Variants in MAN1A1 observed in about 807,000 individuals in gnomAD.
MAN1A1 encodes the protein mannosyl-oligosaccharide 1,2-alpha-mannosidase IA.
A neutral mutation model predicts 70.8 loss-of-function variants in MAN1A1; 29 were observed. The ratio of observed to expected loss-of-function variants is 0.41; its 90% CI spans 0.31 to 0.56. The LOEUF (loss-of-function observed/expected upper bound fraction) is 0.56, where lower values mean the gene tolerates loss of function less well. MAN1A1 is among the 20% of genes least tolerant of loss of function. The pLI is 0.29. For missense variants in MAN1A1, 747 were observed against 841.3 expected (o/e 0.89, Z 1.39); for synonymous variants, 349 against 330.1 (o/e 1.06, Z -0.62).
chr6:119,253,833 C>T (rs1738891514), intron 5 of MAN1A1, among the ~76,000 whole-genome samples: 2 of 152,210 alleles, frequency 1.3e-5, no homozygotes. Flanking sequence ...TCCCGTTCCA[C>T]TAGTTGCTAC....
chr6:119,328,507 G>A (rs2114488787), intron 2 of MAN1A1, among the ~76,000 whole-genome samples: 1 of 152,106 alleles, frequency 6.6e-6, no homozygotes, highest in East Asian at 1.9e-4. Context: ...TTAACACTAA[G>A]AAAGTAGTAA....
Position 119,349,206 on chromosome 6 carries a change from G to A in MAN1A1, c.-141C>T, listed in dbSNP as rs1359756350. The A allele has an allele frequency of 4.1e-6, 5 of 1,218,452 alleles. No homozygotes were observed. The highest frequency in any genetic ancestry group is 5.1e-6 in the Non-Finnish European group (5 of 980,100). The allele number at this position is 1,218,452 out of a possible 1,614,324, so 75.5% of individuals were successfully genotyped here. On this transcript the variant is annotated 5_prime_UTR_variant, in exon 2 of 13. Coordinates refer to ENST00000368468, the MANE Select transcript of MAN1A1 (RefSeq NM_005907.4). ...GGCTGGGCTGCGGATCCTCCCTGGG[G>A]GAACAACTCCGCGCCGGGTCTTCTC...
intron 2 of MAN1A1, among the ~76,000 whole-genome samples, chr6:119,323,728 C>T (rs1451217221): frequency 1.3e-5 from 2 of 152,004 alleles, no homozygotes; most frequent in African/African-American, 4.8e-5. Context: ...TCTGTAACCA[C>T]AAGAATGAAC....
rs574094495 is a variant in MAN1A1 at position 119,259,791 on chromosome 6, A to G, written c.898-11437T>C. Among the ~76,000 whole-genome samples, 9 of 152,228 alleles carry G rather than the reference A, an allele frequency of 5.9e-5. No homozygotes were observed. In the South Asian group the frequency reaches 1.9e-3, roughly 31 times the overall value. ...TTCCTCATCTACAAAATGGAAAAAC[A>G]TATTTGTACACCTTGAAACTTAGAG... On this transcript the variant is annotated intron_variant, in intron 5 of 12. Transcript: ENST00000368468.
intron 6 of MAN1A1, among the ~76,000 whole-genome samples, chr6:119,205,993 C>A (rs1448489083): frequency 6.6e-6 from 1 of 152,192 alleles, no homozygotes; most frequent in East Asian, 1.9e-4. Context: ...CTCTGAGCAT[C>A]TAAAGCTGGG....
intron 2 of MAN1A1, among the ~76,000 whole-genome samples, chr6:119,346,374 C>G (rs1205093761): frequency 6.6e-6 from 1 of 151,992 alleles, no homozygotes; most frequent in Non-Finnish European, 1.5e-5. Flanking sequence ...GATGGAAAAT[C>G]ATAATCCATT....
At chr6:119,344,805 G>A (rs1379898100) in intron 2 of MAN1A1, among the ~76,000 whole-genome samples, 1 of 152,170 alleles carries the variant, frequency 6.6e-6, no homozygotes, top group East Asian at 1.9e-4. Flanking sequence ...TATAATAAAT[G>A]TGAATTTTAA....
At chr6:119,258,867 T>C (rs1775530563) in intron 5 of MAN1A1, among the ~76,000 whole-genome samples, 1 of 152,196 alleles carries the variant, frequency 6.6e-6, no homozygotes. Flanking sequence ...AGTTTTCCAT[T>C]ATCACTTGAA....
chr6:119,309,000 C>G (rs547507189), intron 2 of MAN1A1, among the ~76,000 whole-genome samples: 2 of 152,288 alleles, frequency 1.3e-5, no homozygotes, highest in South Asian at 2.1e-4. Flanking sequence ...AAAGCTGACA[C>G]TAATTGGTTA....
chr6:119,261,440 C>G (rs1490921956), intron 5 of MAN1A1, among the ~76,000 whole-genome samples: 1 of 152,132 alleles, frequency 6.6e-6, no homozygotes, highest in Non-Finnish European at 1.5e-5. Context: ...TACTTAGGCA[C>G]CAAGTTGCAC....
chr6:119,272,928 G>A (rs940464367), intron 5 of MAN1A1, among the ~76,000 whole-genome samples: 4 of 152,084 alleles, frequency 2.6e-5, no homozygotes, highest in Admixed American at 2.0e-4. Context: ...ACAGCTAATA[G>A]ATGTTGTTGT....
intron 2 of MAN1A1, among the ~76,000 whole-genome samples, chr6:119,331,267 T>C (rs1267839516): frequency 6.6e-6 from 1 of 152,098 alleles, no homozygotes. Flanking sequence ...AGAATTCTTT[T>C]TGGTGATATA....
At chr6:119,186,745 C>T (rs200939874) in intron 11 of MAN1A1, among the ~76,000 whole-genome samples, 4 of 152,152 alleles carry the variant, frequency 2.6e-5, no homozygotes, top group East Asian at 1.9e-4. Flanking sequence ...ATATGCGGGG[C>T]TGCTGCTGAA....
chr6:119,324,699 G>A (rs976613198), intron 2 of MAN1A1, among the ~76,000 whole-genome samples: 1 of 152,126 alleles, frequency 6.6e-6, no homozygotes, highest in Non-Finnish European at 1.5e-5. Context: ...AGAACTCAGA[G>A]CCCTATGGCT....
At chr6:119,336,954 T>TA (rs936441763) in intron 2 of MAN1A1, among the ~76,000 whole-genome samples, 23 of 148,756 alleles carry the variant, frequency 1.5e-4, no homozygotes, top group African/African-American at 4.7e-4. Flanking sequence ...ATAACATATC[T>TA]AAAAAAAAAA....
chr6:119,233,308 G>C (rs1774740170), intron 6 of MAN1A1, among the ~76,000 whole-genome samples: 1 of 152,166 alleles, frequency 6.6e-6, no homozygotes, highest in South Asian at 2.1e-4. Context: ...CATGAACACA[G>C]TTTGGCCTAC....
chr6:119,249,846 T>G (rs1775270791), intron 5 of MAN1A1, among the ~76,000 whole-genome samples: 1 of 152,120 alleles, frequency 6.6e-6, no homozygotes, highest in Non-Finnish European at 1.5e-5. Context: ...TCCTCATGCA[T>G]ACCACAGATC....
At chr6:119,239,612 G>A (rs567413425) in intron 6 of MAN1A1, among the ~76,000 whole-genome samples, 34 of 152,304 alleles carry the variant, frequency 2.2e-4, no homozygotes, top group African/African-American at 7.9e-4. Context: ...AAAGTGCCTT[G>A]ATACCTGCGC....
At chr6:119,267,525 T>C (rs1335965273) in intron 5 of MAN1A1, among the ~76,000 whole-genome samples, 2 of 152,178 alleles carry the variant, frequency 1.3e-5, no homozygotes, top group Admixed American at 1.3e-4. Flanking sequence ...ATATTTTTAA[T>C]TAAAAAGACA....
Sources: gnomAD v4.1 joint callset for allele counts (sites outside exome capture counted in the v4.1 genomes callset) on GRCh38, gnomAD v4.1.1 for gene constraint, MANE v1.5 for transcripts, NCBI Gene and HGNC (gene_info 2026-07-23, HGNC 2026-07-21) for gene names.